The following SRF variants were observed in gnomAD, a reference collection of about 807,000 sequenced individuals.
The protein encoded by SRF is serum response factor, also known as c-fos serum response element-binding transcription factor.
A neutral mutation model predicts 37.1 loss-of-function variants in SRF; 7 were observed. That is an observed-to-expected ratio of 0.19 (90% CI 0.11 to 0.35). The LOEUF is 0.35. Among genes scored for constraint, SRF ranks in the 10% least tolerant of loss-of-function variants. The pLI, the probability that SRF is intolerant of heterozygous loss-of-function variation, is 1.00. For synonymous variants in SRF, 285 were observed against 310.1 expected (o/e 0.92, Z 0.85); for missense variants, 395 against 694.4 (o/e 0.57, Z 4.85).
Position 43,173,774 on chromosome 6 carries a change from C to A in SRF, c.514-73C>A. The A allele has an allele frequency of 6.4e-7, 1 of 1,552,126 alleles. No homozygotes were observed. Reference sequence around the variant, plus strand: ...GGGGGAATGACATCACTGTATAATTCTTTTTCCAACTTCTCAAGGAAGGTA... The same window carrying A: ...GGGGGAATGACATCACTGTATAATTATTTTTCCAACTTCTCAAGGAAGGTA... On this transcript the variant is annotated intron_variant, in intron 1 of 6. Coordinates refer to ENST00000265354, the MANE Select transcript of SRF (RefSeq NM_003131.4). This position sits in a 1 kb window ranked among gnomAD's most constrained non-coding sequence, Gnocchi z 4.2.
At chr6:43,175,572 G>T (rs1165839982) in intron 2 of SRF, 134 bp from the exon 3 acceptor site, 70 of 1,131,728 alleles carry the variant, frequency 6.2e-5, no homozygotes, top group Non-Finnish European at 7.8e-5. Flanking sequence ...TAAGAGTCAG[G>T]CATCAGGTAA....
Position 43,176,090 on chromosome 6 carries a change from C to T in SRF, c.1042+123C>T. On this transcript the variant is annotated intron_variant, in intron 3 of 6. Transcript: ENST00000265354. The surrounding 1 kb of genome is among the most constrained non-coding windows in gnomAD (Gnocchi z 4.0). ...TGCTCAGAAGGAAGGTGAATAGGGG[C>T]CAGAGCCTGAGCGAAGCCTCTTATA... 7.3e-7 allele frequency: 1 copy of T among 1,367,306 alleles called. No individual in the cohort carries two copies. The highest frequency in any genetic ancestry group is 9.8e-7 in the Non-Finnish European group (1 of 1,017,336). 84.7% of individuals were successfully genotyped at this position (1,367,306 alleles called of 1,614,324 possible).
Position 43,178,212 on chromosome 6 carries a change from TG to T in SRF, c.1163-77del. ...GACCTGGGAAATGGCAAGAGGGCTCTGGGGGCCTGGAATTCCTAGGGACGGA... is the reference window on the plus strand; with the variant it reads ...GACCTGGGAAATGGCAAGAGGGCTCTGGGGCCTGGAATTCCTAGGGACGGA... On this transcript the variant is annotated intron_variant, in intron 4 of 6. Coordinates refer to ENST00000265354, the MANE Select transcript of SRF (RefSeq NM_003131.4). This position sits in a 1 kb window ranked among gnomAD's most constrained non-coding sequence, Gnocchi z 4.3. 1 of 1,419,314 alleles carries T rather than the reference TG, an allele frequency of 7.0e-7. No individual in the cohort carries two copies. The allele number at this position is 1,419,314 out of a possible 1,614,324, so 87.9% of individuals were successfully genotyped here. A position where few individuals can be genotyped will look rare whatever the true frequency, so the allele number is the denominator to read the frequency against.
chr6:43,177,228 G>GTTTTTTTTTTGTTTTTTTT (rs1772215070), intron 4 of SRF, among the ~76,000 whole-genome samples: 1 of 116,848 alleles, frequency 8.6e-6, no homozygotes, highest in African/African-American at 3.8e-5. Flanking sequence ...ATCGGAGTCT[G>GTTTTTTTTTTGTTTTTTTT]TTTTTTTTTT....
At position 43,173,986 on chromosome 6, in the gene SRF, G is replaced by A; in HGVS notation, c.653G>A (p.Cys218Tyr). Residue 218 changes from cysteine to tyrosine, a missense_variant, in exon 2 of 7, where the codon TGC (cysteine) becomes TAC (tyrosine). Physicochemically the swap from Cys to Tyr is radical, Grantham distance 194. Coordinates refer to ENST00000265354, the MANE Select transcript of SRF (RefSeq NM_003131.4). The surrounding 1 kb of genome is among the most constrained non-coding windows in gnomAD (Gnocchi z 4.2). ...SETGKALIQT[C>Y]LNSPDSPPRS... ...ACCGGCAAGGCACTGATTCAGACCT[G>A]CCTCAACTCGCCAGACTCTCCACCC... The A allele has an allele frequency of 6.2e-7, 1 of 1,614,126 alleles. No homozygotes were observed. Among genetic ancestry groups the A allele is most frequent in the Non-Finnish European group, 8.5e-7 (1 of 1,180,014 alleles).
intron 2 of SRF, among the ~76,000 whole-genome samples, chr6:43,175,221 T>C (rs972789951): frequency 2.6e-5 from 4 of 152,126 alleles, no homozygotes; most frequent in African/African-American, 9.7e-5. Context: ...CTCATGCTTA[T>C]AGAAGAGGAA....
At chr6:43,177,498 G>T (rs1269438946) in intron 4 of SRF, among the ~76,000 whole-genome samples, 1 of 151,094 alleles carries the variant, frequency 6.6e-6, no homozygotes, top group African/African-American at 2.4e-5. Flanking sequence ...TCAAAGTGCT[G>T]GGATTACAGG....
At chr6:43,175,566 A>T (rs905557672) in intron 2 of SRF, 140 bp from the exon 3 acceptor site, 7 of 1,067,122 alleles carry the variant, frequency 6.6e-6, no homozygotes, top group Non-Finnish European at 9.7e-6. Context: ...CTTACCTAAG[A>T]GTCAGGCATC....
Position 43,176,014 on chromosome 6 carries a change from C to G in SRF, c.1042+47C>G, listed in dbSNP as rs757076353. The G allele has an allele frequency of 2.1e-5, 34 of 1,594,168 alleles. No homozygotes were observed. Among genetic ancestry groups the G allele is most frequent in the Non-Finnish European group, 2.8e-5 (33 of 1,172,330 alleles). On this transcript the variant is annotated intron_variant, in intron 3 of 6. Transcript: ENST00000265354. The surrounding 1 kb of genome is among the most constrained non-coding windows in gnomAD (Gnocchi z 4.0). ...GAGATTCGTCCTTCCTGGGGCAAAT[C>G]AAGCATGCTAAGAGTGTGTTTAGGG...
Position 43,179,454 on chromosome 6 carries a change from T to C in SRF, c.*264T>C, listed in dbSNP as rs748990979. Reference sequence around the variant, plus strand: ...GGCTGTCCTCCTTCCTGGGACCCCCTCGCCAGCTTGGCTCGATGTTTGCCA... The same window carrying C: ...GGCTGTCCTCCTTCCTGGGACCCCCCCGCCAGCTTGGCTCGATGTTTGCCA... On this transcript the variant is annotated 3_prime_UTR_variant, in exon 7 of 7. Coordinates refer to ENST00000265354, the MANE Select transcript of SRF (RefSeq NM_003131.4). The surrounding 1 kb of genome is among the most constrained non-coding windows in gnomAD (Gnocchi z 5.3). 1.9e-6 allele frequency: 1 copy of C among 528,816 alleles called. No homozygotes were observed. Among genetic ancestry groups the C allele is most frequent in the Non-Finnish European group, 3.4e-6 (1 of 290,566 alleles). The allele number at this position is 528,816 out of a possible 1,614,324, so 32.8% of individuals were successfully genotyped here.
At position 43,178,740 on chromosome 6, in the gene SRF, C is replaced by T. The variant is rs1772250913; in HGVS notation, c.1355-66C>T. 1.2e-5 allele frequency: 18 copies of T among 1,539,584 alleles called. No homozygotes were observed. The South Asian group carries it at 1.6e-4, about 13-fold the overall frequency. ...GCCCCAGTCACTTGTGCATTTGACACCACTCCTCCAATATCTGGAAGTTTC... is the reference window on the plus strand; with the variant it reads ...GCCCCAGTCACTTGTGCATTTGACATCACTCCTCCAATATCTGGAAGTTTC... On this transcript the variant is annotated intron_variant, in intron 5 of 6. Coordinates refer to ENST00000265354, the MANE Select transcript of SRF (RefSeq NM_003131.4). This position sits in a 1 kb window ranked among gnomAD's most constrained non-coding sequence, Gnocchi z 4.3.
At position 43,171,648 on chromosome 6, in the gene SRF, T is replaced by C; in HGVS notation, c.-9T>C. 1 of 1,208,316 alleles carries C rather than the reference T, an allele frequency of 8.3e-7. No individual in the cohort carries two copies. The highest frequency in any genetic ancestry group is 3.4e-5 in the East Asian group (1 of 29,546). The allele number at this position is 1,208,316 out of a possible 1,614,324, so 74.8% of individuals were successfully genotyped here. Reference sequence around the variant, plus strand: ...CTGACTGCCCGTCCGCCCTCCTGCATCGAGCGCCATGTTACCGACCCAAGC... The same window carrying C: ...CTGACTGCCCGTCCGCCCTCCTGCACCGAGCGCCATGTTACCGACCCAAGC... On this transcript the variant is annotated 5_prime_UTR_variant, in exon 1 of 7. Coordinates refer to ENST00000265354, the MANE Select transcript of SRF (RefSeq NM_003131.4). This position sits in a 1 kb window ranked among gnomAD's most constrained non-coding sequence, Gnocchi z 6.5.
rs1175207985 is a variant in SRF, at chr6:43,173,041, CTGG to C, written c.514-803_514-801del. On this transcript the variant is annotated intron_variant, in intron 1 of 6. Coordinates refer to ENST00000265354, the MANE Select transcript of SRF (RefSeq NM_003131.4). The surrounding 1 kb of genome is among the most constrained non-coding windows in gnomAD (Gnocchi z 4.2). ...GGAGCTGGATCCTTGGGAACACTGG[CTGG>C]TGTTTATTTCTGTCCCATGTAGAAA... Among the ~76,000 whole-genome samples the C allele has an allele frequency of 1.3e-5, 2 of 152,176 alleles. No homozygotes were observed. Among genetic ancestry groups the C allele is most frequent in the African/African-American group, 2.4e-5 (1 of 41,418 alleles).
Position 43,171,990 on chromosome 6 carries a change from G to T in SRF, c.334G>T (p.Gly112Cys). The T allele has an allele frequency of 6.4e-7, 1 of 1,562,798 alleles. No individual in the cohort carries two copies. The highest frequency in any genetic ancestry group is 8.7e-7 in the Non-Finnish European group (1 of 1,155,808). ...LSEMEIGMVV[G>C]GPEASAAATG... ...CGAGATGGAGATCGGTATGGTGGTC[G>T]GTGGGCCCGAGGCGTCGGCAGCGGC... is the stretch of plus-strand genomic sequence containing the variant. Residue 112 changes from glycine (G) to cysteine (C), a missense_variant, in exon 1 of 7, where the codon GGT becomes TGT. By Grantham distance (159) the Gly-to-Cys change is radical. This residue lies in a region of SRF where 134 missense variants were observed against 204.5 expected (regional missense o/e 0.66). Transcript: ENST00000265354. The surrounding 1 kb of genome is among the most constrained non-coding windows in gnomAD (Gnocchi z 6.5).
rs913599351 is a variant in SRF at position 43,173,744 on chromosome 6, G to A, written c.514-103G>A. The A allele has an allele frequency of 1.5e-5, 21 of 1,442,610 alleles. No homozygotes were observed. In the African/African-American group the frequency reaches 3.0e-4, roughly 20 times the overall value. The allele number at this position is 1,442,610 out of a possible 1,614,324, so 89.4% of individuals were successfully genotyped here. On this transcript the variant is annotated intron_variant, in intron 1 of 6. Coordinates refer to ENST00000265354, the MANE Select transcript of SRF (RefSeq NM_003131.4). The surrounding 1 kb of genome is among the most constrained non-coding windows in gnomAD (Gnocchi z 4.2). The stretch of plus-strand genomic sequence containing the variant: ...GTCATTAGAGACGAAGGTCATTATG[G>A]GAATGGGGGAATGACATCACTGTAT...
chr6:43,176,743 C>T lies in SRF; in HGVS notation c.1162+76C>T. On this transcript the variant is annotated intron_variant, in intron 4 of 6. Transcript: ENST00000265354. The surrounding 1 kb of genome is among the most constrained non-coding windows in gnomAD (Gnocchi z 4.0). ...CTAGCAGTAGGTGCCCAACAGTAAC[C>T]CTCCTGTAACTAAAGTCAGGGGATT... The T allele has an allele frequency of 1.3e-6, 2 of 1,534,220 alleles. No individual in the cohort carries two copies. Among genetic ancestry groups the T allele is most frequent in the Non-Finnish European group, 1.8e-6 (2 of 1,129,032 alleles).
In SRF at chr6:43,178,544, C is replaced by CACACACACAT. The variant is rs994024942; in HGVS notation, c.1354+71_1354+80dup. On this transcript the variant is annotated intron_variant, in intron 5 of 6. Transcript: ENST00000265354. This position sits in a 1 kb window ranked among gnomAD's most constrained non-coding sequence, Gnocchi z 4.3. ...CCGTTTCCTTCTTTATACACACACA[C>CACACACACAT]ACACACACATACACACACATATGCA... The CACACACACAT allele has an allele frequency of 2.1e-4, 328 of 1,535,810 alleles. 1 individual carries two copies. In the South Asian group the frequency reaches 3.5e-3, roughly 16 times the overall value.
At position 43,177,228 on chromosome 6, in the gene SRF, G is replaced by GTTTTTTTTTTTTTTTTTTTTTTTTTT. The variant is rs544658252; in HGVS notation, c.1162+578_1162+579insTTTTTTTTTTTTTTTTTTTTTTTTTT. ...CCCCAAACCTAGTGAATCGGAGTCT[G>GTTTTTTTTTTTTTTTTTTTTTTTTTT]TTTTTTTTTTTTTTTTTGAGACGGA... On this transcript the variant is annotated intron_variant, in intron 4 of 6. Transcript: ENST00000265354. Among the ~76,000 whole-genome samples, 21 of 116,806 alleles carry GTTTTTTTTTTTTTTTTTTTTTTTTTT rather than the reference G, an allele frequency of 1.8e-4. 4 individuals carry two copies. Among genetic ancestry groups the GTTTTTTTTTTTTTTTTTTTTTTTTTT allele is most frequent in the African/African-American group, 6.9e-4 (18 of 26,180 alleles). 76.6% of individuals were successfully genotyped at this position (116,806 alleles called of 152,430 possible).
chr6:43,171,596 G>A lies in SRF; in HGVS notation c.-61G>A. 2.5e-6 allele frequency: 3 copies of A among 1,178,086 alleles called. No homozygotes were observed. Among genetic ancestry groups the A allele is most frequent in the Non-Finnish European group, 3.2e-6 (3 of 951,462 alleles). The allele number at this position is 1,178,086 out of a possible 1,614,324, so 73.0% of individuals were successfully genotyped here. On this transcript the variant is annotated 5_prime_UTR_variant, in exon 1 of 7. Transcript: ENST00000265354. This position sits in a 1 kb window ranked among gnomAD's most constrained non-coding sequence, Gnocchi z 6.5. ...CGGGTTGAGCCGGGAAGCCGATGGC[G>A]GCGGCTGCGGCGGCTCCGATTCCTC...
Sources: allele counts gnomAD v4.1 joint callset (sites outside exome capture counted in the v4.1 genomes callset), GRCh38; gene constraint gnomAD v4.1.1; regional missense constraint gnomAD v4.1.1; non-coding constraint Gnocchi (gnomAD v3.1); transcripts MANE v1.5; gene names NCBI Gene and HGNC (gene_info 2026-07-23, HGNC 2026-07-21).